Variants in PTPRN2 observed in about 807,000 individuals in gnomAD.
PTPRN2 encodes the protein protein tyrosine phosphatase receptor type N2, also known as receptor-type tyrosine-protein phosphatase N2.
PTPRN2 carries 74 observed loss-of-function variants against 118.8 expected under a neutral mutation model. That is an observed-to-expected ratio of 0.62 (90% CI 0.52 to 0.76). The LOEUF is 0.76. Ranked by LOEUF, PTPRN2 falls within the 30% of genes least tolerant of loss-of-function variation. PTPRN2 has a pLI of 0.00. For synonymous variants in PTPRN2, 641 were observed against 608.0 expected (o/e 1.05, Z -0.80); for missense variants, 1,481 against 1,394.4 (o/e 1.06, Z -0.99).
intron 2 of PTPRN2, among the ~76,000 whole-genome samples, chr7:158,421,142 G>A (rs1273309838): frequency 2.6e-5 from 4 of 152,106 alleles, no homozygotes; most frequent in South Asian, 4.2e-4. Flanking sequence ...CTTTGGAATC[G>A]AGGGCCAGCC....
At chr7:157,747,453 C>G (rs535733182) in intron 12 of PTPRN2, among the ~76,000 whole-genome samples, 2 of 116,218 alleles carry the variant, frequency 1.7e-5, no homozygotes, top group African/African-American at 7.2e-5. Flanking sequence ...CTGAGGCCTG[C>G]GTCCCTGAGC....
chr7:158,359,409 G>A (rs1422450485), intron 2 of PTPRN2, among the ~76,000 whole-genome samples: 1 of 152,156 alleles, frequency 6.6e-6, no homozygotes, highest in Non-Finnish European at 1.5e-5. Context: ...ACAAAGGAAA[G>A]GTGGTCCTCA....
At chr7:158,141,990 G>A (rs527854495) in intron 6 of PTPRN2, among the ~76,000 whole-genome samples, 71 of 152,318 alleles carry the variant, frequency 4.7e-4, no homozygotes, top group Middle Eastern at 6.8e-3. Context: ...GCCCCGCTCT[G>A]GCCGACGTTG....
intron 11 of PTPRN2, among the ~76,000 whole-genome samples, chr7:157,992,075 C>A (rs1804295723): frequency 6.6e-6 from 1 of 152,252 alleles, no homozygotes; most frequent in East Asian, 1.9e-4. Flanking sequence ...CCCAGGGAGA[C>A]TGGTGGTCCC....
At chr7:158,147,378 C>A (rs1238932711) in intron 6 of PTPRN2, among the ~76,000 whole-genome samples, 1 of 56,746 alleles carries the variant, frequency 1.8e-5, no homozygotes, top group African/African-American at 1.3e-4. Flanking sequence ...CTCAATGACA[C>A]CCCATCTCAC....
intron 3 of PTPRN2, among the ~76,000 whole-genome samples, chr7:158,242,054 A>T (rs58289590): frequency 0.05 from 7,595 of 151,904 alleles, 658 homozygotes; most frequent in African/African-American, 0.17. Flanking sequence ...ATCTTAACTG[A>T]CTCTGACTTG....
chr7:158,570,943 C>T lies in PTPRN2; in HGVS notation c.112+16615G>A, dbSNP rs927744500. On this transcript the variant is annotated intron_variant, in intron 1 of 22. Coordinates refer to ENST00000389418, the MANE Select transcript of PTPRN2 (RefSeq NM_002847.5). The surrounding 1 kb of genome is among the most constrained non-coding windows in gnomAD (Gnocchi z 4.5). ...AAGCCCACCCCTGCAGAGCAAAGCC[C>T]GGGTCCCGGATGGCAAAGCCATACG... is the stretch of plus-strand genomic sequence containing the variant. Among the ~76,000 whole-genome samples, 8 of 152,218 alleles carry T rather than the reference C, an allele frequency of 5.3e-5. No homozygotes were observed. Among genetic ancestry groups the T allele is most frequent in the Non-Finnish European group, 1.0e-4 (7 of 68,040 alleles).
Position 158,188,492 on chromosome 7 carries a change from CCACGCTCGCCCCCT to C in PTPRN2, c.549+3821_549+3834del, listed in dbSNP as rs1825443429. Among the ~76,000 whole-genome samples, 2 of 28,856 alleles carry C rather than the reference CCACGCTCGCCCCCT, an allele frequency of 6.9e-5. 1 individual carries two copies. Among genetic ancestry groups the C allele is most frequent in the African/African-American group, 3.1e-4 (2 of 6,468 alleles). 18.9% of individuals were successfully genotyped at this position (28,856 alleles called of 152,430 possible). The stretch of plus-strand genomic sequence containing the variant: ...GCTCGCCGCCTGATGGGGAAGGCCG[CCACGCTCGCCCCCT>C]GATGGGGAAGGCCGCCACGCTCGCC... On this transcript the variant is annotated intron_variant, in intron 5 of 22. Coordinates refer to ENST00000389418, the MANE Select transcript of PTPRN2 (RefSeq NM_002847.5).
chr7:157,950,481 G>C (rs1161323949), intron 11 of PTPRN2, among the ~76,000 whole-genome samples: 1 of 152,194 alleles, frequency 6.6e-6, no homozygotes, highest in Non-Finnish European at 1.5e-5. Flanking sequence ...TTGGTATTTG[G>C]GTGGGTCAAA....
chr7:158,373,097 AG>A (rs745838410), intron 2 of PTPRN2, among the ~76,000 whole-genome samples: 4 of 152,244 alleles, frequency 2.6e-5, no homozygotes, highest in Non-Finnish European at 5.9e-5. Flanking sequence ...TTCCAGGCAG[AG>A]GAAACTCCTG....
At chr7:158,443,564 G>A (rs750104902) in intron 2 of PTPRN2, among the ~76,000 whole-genome samples, 4 of 152,102 alleles carry the variant, frequency 2.6e-5, no homozygotes, top group Non-Finnish European at 4.4e-5. Flanking sequence ...CAGGAGGAGC[G>A]GCGTGGGGCG....
chr7:158,205,225 A>G lies in PTPRN2; in HGVS notation c.326T>C (p.Leu109Pro), dbSNP rs1288733814. The G allele has an allele frequency of 6.2e-7, 1 of 1,614,186 alleles. No homozygotes were observed. The change falls in exon 4 of 23, where the codon CTT becomes CCT. Residue 109 changes from leucine (L) to proline (P), a missense_variant. Leu to Pro is a moderately conservative substitution (Grantham distance 98). This residue lies in a region of PTPRN2 where 1,115 missense variants were observed against 994.2 expected (regional missense o/e 1.12). Transcript: ENST00000389418. ...CAGGTAGGTTTTCGGGAGGTCTGCA[A>G]GTTCCTGGTCCATCACATACTGAGT... ...DYTQYVMDQE[L>P]ADLPKTYLRR... is the part of the protein sequence containing the mutation.
At chr7:157,875,755 T>G (rs1584930401) in intron 12 of PTPRN2, among the ~76,000 whole-genome samples, 3 of 134,056 alleles carry the variant, frequency 2.2e-5, no homozygotes, top group South Asian at 2.4e-4. Flanking sequence ...CTGCAGAGGG[T>G]CAGGAGGGGC....
At chr7:157,810,121 C>T (rs1805896118) in intron 12 of PTPRN2, among the ~76,000 whole-genome samples, 1 of 152,260 alleles carries the variant, frequency 6.6e-6, no homozygotes, top group African/African-American at 2.4e-5. Context: ...CCACAACACC[C>T]TGAGCTTCTG....
chr7:158,440,859 GGGGGCA>G (rs1816981506), intron 2 of PTPRN2, among the ~76,000 whole-genome samples: 9 of 143,106 alleles, frequency 6.3e-5, no homozygotes, highest in Middle Eastern at 3.8e-3. Context: ...GGGTGGTGGT[GGGGGCA>G]GTGGTATTGG....
At chr7:158,234,576 TGGCCAACA>T (rs1829405410) in intron 3 of PTPRN2, among the ~76,000 whole-genome samples, 1 of 151,316 alleles carries the variant, frequency 6.6e-6, no homozygotes, top group African/African-American at 2.4e-5. Context: ...AACATACAAA[TGGCCAACA>T]GGTATAGTCA....
At chr7:157,888,566 C>A (rs1796619795) in intron 12 of PTPRN2, among the ~76,000 whole-genome samples, 1 of 145,070 alleles carries the variant, frequency 6.9e-6, no homozygotes, top group Admixed American at 6.9e-5. Context: ...CCCCCAACAT[C>A]CAATGCCCCT....
At position 157,571,439 on chromosome 7, in the gene PTPRN2, C is replaced by T; in HGVS notation, c.2837+1G>A. ...CTTAATCCATTAAAAGTTGTACTTG[C>T]CTGCAATGAACAATTATTGGACAAG... On this transcript the variant is annotated splice_donor_variant, in intron 20 of 22. Transcript: ENST00000389418. LOFTEE classifies it high-confidence loss of function. 1 of 1,606,470 alleles carries T rather than the reference C, an allele frequency of 6.2e-7. No individual in the cohort carries two copies.
At chr7:158,032,792 C>T (rs1239037490) in intron 11 of PTPRN2, among the ~76,000 whole-genome samples, 2 of 152,158 alleles carry the variant, frequency 1.3e-5, no homozygotes, top group African/African-American at 4.8e-5. Flanking sequence ...AAACCCAGGA[C>T]CACAACGGCC....
Sources: gnomAD v4.1 joint callset for allele counts (sites outside exome capture counted in the v4.1 genomes callset) on GRCh38, gnomAD v4.1.1 for gene constraint, gnomAD v4.1.1 regional missense constraint, Gnocchi (gnomAD v3.1) non-coding constraint, MANE v1.5 for transcripts, NCBI Gene and HGNC (gene_info 2026-07-23, HGNC 2026-07-21) for gene names.